SPIDR: variants seen among roughly 807,000 people sequenced by gnomAD.
SPIDR encodes scaffold protein involved in DNA repair.
A neutral mutation model predicts 104.6 loss-of-function variants in SPIDR; 93 were observed. The ratio of observed to expected loss-of-function variants is 0.89; its 90% CI spans 0.75 to 1.06. SPIDR has a LOEUF of 1.06. Ranked by LOEUF, SPIDR falls within the 50% of genes least tolerant of loss-of-function variation. The pLI, the probability that SPIDR is intolerant of heterozygous loss-of-function variation, is 0.00. For missense variants in SPIDR, 1,154 were observed against 1,111.2 expected (o/e 1.04, Z -0.55); for synonymous variants, 431 against 416.9 (o/e 1.03, Z -0.41).
intron 11 of SPIDR, among the ~76,000 whole-genome samples, chr8:47,685,894 T>G (rs1229012958): frequency 6.0e-5 from 9 of 150,680 alleles, no homozygotes; most frequent in African/African-American, 2.2e-4. Context: ...CGATGGCTCA[T>G]ACCTGTAATC....
At chr8:47,331,548 C>T (rs1313174538) in intron 5 of SPIDR, among the ~76,000 whole-genome samples, 1 of 152,126 alleles carries the variant, frequency 6.6e-6, no homozygotes, top group African/African-American at 2.4e-5. Context: ...AGGGCACTTA[C>T]CATGAATGGA....
intron 5 of SPIDR, among the ~76,000 whole-genome samples, chr8:47,348,307 C>T (rs868972205): frequency 4.6e-5 from 7 of 152,118 alleles, no homozygotes; most frequent in Non-Finnish European, 8.8e-5. Flanking sequence ...GAGTGTCTGC[C>T]GAGATATCCT....
At chr8:47,348,175 T>C (rs530206009) in intron 5 of SPIDR, among the ~76,000 whole-genome samples, 28 of 152,330 alleles carry the variant, frequency 1.8e-4, no homozygotes, top group Admixed American at 1.3e-3. Context: ...TTTGCTTTTC[T>C]ATAAAGGATT....
intron 5 of SPIDR, among the ~76,000 whole-genome samples, chr8:47,350,212 G>T (rs1349957519): frequency 4.6e-5 from 7 of 152,198 alleles, no homozygotes; most frequent in Non-Finnish European, 8.8e-5. Context: ...AATATTTGCA[G>T]ATTCCCAAGA....
At chr8:47,374,167 T>C (rs559339996) in intron 5 of SPIDR, among the ~76,000 whole-genome samples, 3 of 152,320 alleles carry the variant, frequency 2.0e-5, no homozygotes, top group African/African-American at 7.2e-5. Context: ...AGAAAATAAA[T>C]AGATAAACCT....
intron 8 of SPIDR, among the ~76,000 whole-genome samples, chr8:47,450,146 C>T (rs1186826327): frequency 6.6e-6 from 1 of 152,132 alleles, no homozygotes. Flanking sequence ...GCCTGGGTAA[C>T]AGAGTAAGAC....
At chr8:47,640,776 C>T (rs1353564994) in intron 10 of SPIDR, among the ~76,000 whole-genome samples, 1 of 131,918 alleles carries the variant, frequency 7.6e-6, no homozygotes, top group East Asian at 2.6e-4. Flanking sequence ...TTCCTGGGTT[C>T]AAGCAGTTCT....
chr8:47,684,879 T>G (rs2077544239), intron 11 of SPIDR, among the ~76,000 whole-genome samples: 1 of 152,238 alleles, frequency 6.6e-6, no homozygotes, highest in South Asian at 2.1e-4. Flanking sequence ...GGAATGGAAA[T>G]TAAGCCAGTG....
Position 47,324,942 on chromosome 8 carries a change from G to A in SPIDR, c.525+30912G>A, listed in dbSNP as rs1016001187. ...GCCTCTCTCTGTGGCTTGCAAGGTG[G>A]CTGTGTCTTGACATGGCCTCTTCTC... On this transcript the variant is annotated intron_variant, in intron 5 of 19. Coordinates refer to ENST00000297423, the MANE Select transcript of SPIDR (RefSeq NM_001080394.4). 2.6e-5 allele frequency among the ~76,000 whole-genome samples: 4 copies of A among 152,218 alleles called. No individual in the cohort carries two copies. The South Asian group carries it at 6.2e-4, about 24-fold the overall frequency.
chr8:47,393,858 TTCC>T (rs2154309551), intron 5 of SPIDR, among the ~76,000 whole-genome samples: 1 of 147,228 alleles, frequency 6.8e-6, no homozygotes, highest in African/African-American at 2.6e-5. Flanking sequence ...CCTTCCTTCC[TTCC>T]GTCCTTCCGT....
intron 5 of SPIDR, among the ~76,000 whole-genome samples, chr8:47,316,700 G>A (rs1262757072): frequency 1.3e-5 from 2 of 152,110 alleles, no homozygotes; most frequent in Admixed American, 6.5e-5. Flanking sequence ...AGTGGGGTGG[G>A]GATTAATTGC....
chr8:47,522,326 A>G (rs2084294908), intron 8 of SPIDR, among the ~76,000 whole-genome samples: 1 of 152,260 alleles, frequency 6.6e-6, no homozygotes, highest in African/African-American at 2.4e-5. Flanking sequence ...TCCACAATAA[A>G]TATGTAACTG....
intron 5 of SPIDR, among the ~76,000 whole-genome samples, chr8:47,338,881 G>T (rs1472440413): frequency 6.6e-6 from 1 of 152,154 alleles, no homozygotes; most frequent in Non-Finnish European, 1.5e-5. Flanking sequence ...TTGTGGGGGG[G>T]TCAGCCTTGA....
chr8:47,726,744 G>T (rs555040640), intron 16 of SPIDR, among the ~76,000 whole-genome samples: 15 of 152,054 alleles, frequency 9.9e-5, no homozygotes, highest in African/African-American at 3.6e-4. Context: ...TCTTTTTTTT[G>T]GGGAGTGGGG....
At chr8:47,348,474 T>C (rs1554619889) in intron 5 of SPIDR, among the ~76,000 whole-genome samples, 2 of 152,228 alleles carry the variant, frequency 1.3e-5, no homozygotes, top group African/African-American at 4.8e-5. Flanking sequence ...CTCTGTATTT[T>C]CTGATTTTGA....
intron 5 of SPIDR, among the ~76,000 whole-genome samples, chr8:47,299,529 C>T (rs1329615850): frequency 1.3e-5 from 2 of 151,860 alleles, no homozygotes; most frequent in Non-Finnish European, 2.9e-5. Flanking sequence ...GTCTTGTGCC[C>T]GTTTTCAAAG....
chr8:47,427,384 A>G (rs1039485588), intron 7 of SPIDR, among the ~76,000 whole-genome samples: 18 of 151,810 alleles, frequency 1.2e-4, no homozygotes, highest in African/African-American at 4.3e-4. Context: ...TTATAGGGAG[A>G]TAGATGTGAA....
At chr8:47,662,163 T>C (rs1343060314) in intron 10 of SPIDR, among the ~76,000 whole-genome samples, 1 of 152,144 alleles carries the variant, frequency 6.6e-6, no homozygotes, top group Non-Finnish European at 1.5e-5. Context: ...TGCCTTGAAA[T>C]GTTTCTCGAA....
intron 8 of SPIDR, among the ~76,000 whole-genome samples, chr8:47,486,082 C>T (rs10957549): frequency 0.45 from 67,695 of 152,032 alleles, 18,569 homozygotes; most frequent in East Asian, 0.66. Context: ...TTGAACCCAT[C>T]GCAAAGCAGC....
Sources: gnomAD v4.1 joint callset for allele counts (sites outside exome capture counted in the v4.1 genomes callset) on GRCh38, gnomAD v4.1.1 for gene constraint, MANE v1.5 for transcripts, NCBI Gene and HGNC (gene_info 2026-07-23, HGNC 2026-07-21) for gene names.